Variants in KCNK10 observed in about 807,000 individuals in gnomAD.
KCNK10 encodes potassium two pore domain channel subfamily K member 10, also known as potassium channel subfamily K member 10.
In KCNK10, 25 loss-of-function variants were observed where a neutral mutation model predicts 47.7. The observed-to-expected ratio is 0.52, with a 90% confidence interval of 0.38 to 0.73. The LOEUF (loss-of-function observed/expected upper bound fraction) is 0.73, where lower values mean the gene tolerates loss of function less well. Among genes scored for constraint, KCNK10 ranks in the 30% least tolerant of loss-of-function variants. The pLI, the probability that KCNK10 is intolerant of heterozygous loss-of-function variation, is 0.00. For missense variants in KCNK10, 563 were observed against 714.5 expected, an observed-to-expected ratio of 0.79 and a Z score of 2.42; for synonymous variants, 303 against 285.6, an observed-to-expected ratio of 1.06 and a Z score of -0.61.
At chr14:88,223,704 G>A (rs1001837752) in intron 4 of KCNK10, among the ~76,000 whole-genome samples, 13 of 152,130 alleles carry the variant, frequency 8.5e-5, no homozygotes, top group Non-Finnish European at 1.8e-4. Flanking sequence ...TGTAAAAGGC[G>A]TTTTTGTTTG....
Position 88,322,061 on chromosome 14 carries a change from C to T in KCNK10, c.52+686G>A, listed in dbSNP as rs994065609. 6.6e-6 allele frequency among the ~76,000 whole-genome samples: 1 copy of T among 152,224 alleles called. No homozygotes were observed. The highest frequency in any genetic ancestry group is 1.9e-4 in the East Asian group (1 of 5,196). ...TCCAACATTCGTAAAAGCATGCAAA[C>T]CACACCATTGCTTGGGCGGGCACAC... On this transcript the variant is annotated intron_variant, in intron 1 of 6. Coordinates refer to ENST00000319231, the MANE Select transcript of KCNK10 (RefSeq NM_138317.3). This position sits in a 1 kb window ranked among gnomAD's most constrained non-coding sequence, Gnocchi z 4.8.
intron 3 of KCNK10, among the ~76,000 whole-genome samples, chr14:88,231,111 C>CA (rs200209541): frequency 8.0e-4 from 121 of 150,500 alleles, no homozygotes; most frequent in African/African-American, 2.2e-3. Flanking sequence ...CTTGTCTCTA[C>CA]AAAAAAAAAA....
chr14:88,218,717 C>T (rs1183604909), intron 4 of KCNK10, among the ~76,000 whole-genome samples: 1 of 152,090 alleles, frequency 6.6e-6, no homozygotes, highest in African/African-American at 2.4e-5. Flanking sequence ...CAGAATTTGA[C>T]TGGTTTTCCT....
intron 1 of KCNK10, among the ~76,000 whole-genome samples, chr14:88,291,506 T>C (rs10148345): frequency 2.6e-5 from 4 of 152,028 alleles, no homozygotes; most frequent in Non-Finnish European, 4.4e-5. Flanking sequence ...CTATGGCAAA[T>C]GAAGGAGCAG....
rs976599917 is a variant in KCNK10, at chr14:88,186,339, T to C, written c.1012-184A>G. The stretch of plus-strand genomic sequence containing the variant: ...CTGCCACCTGGACACCCATCCCTAA[T>C]TGGCTAGTAAATAAGGTGGCTCAGG... On this transcript the variant is annotated intron_variant, in intron 6 of 6. Transcript: ENST00000319231. This position sits in a 1 kb window ranked among gnomAD's most constrained non-coding sequence, Gnocchi z 5.5. Among the ~76,000 whole-genome samples, 2 of 152,010 alleles carry C rather than the reference T, an allele frequency of 1.3e-5. No homozygotes were observed. The highest frequency in any genetic ancestry group is 2.4e-5 in the African/African-American group (1 of 41,392).
chr14:88,229,028 T>C (rs1439482580), intron 3 of KCNK10, among the ~76,000 whole-genome samples: 1 of 152,214 alleles, frequency 6.6e-6, no homozygotes, highest in Non-Finnish European at 1.5e-5. Context: ...AGTTTCACTT[T>C]ATGCAGGTTT....
chr14:88,265,023 T>A (rs1425722408), intron 1 of KCNK10, among the ~76,000 whole-genome samples: 4 of 152,192 alleles, frequency 2.6e-5, no homozygotes, highest in Admixed American at 2.6e-4. Flanking sequence ...CAGGCCACTG[T>A]CACATCTTGC....
In KCNK10 at chr14:88,265,934, C is replaced by A. The variant is rs151019263; in HGVS notation, c.53-2383G>T. ...ATGGAACTGTGAGTCCATTAAACTT[C>A]TTTCCTTTATAACTTACCCAGTCTT... On this transcript the variant is annotated intron_variant, in intron 1 of 6. Coordinates refer to ENST00000319231, the MANE Select transcript of KCNK10 (RefSeq NM_138317.3). Among the ~76,000 whole-genome samples, 130 of 152,318 alleles carry A rather than the reference C, an allele frequency of 8.5e-4. 1 individual carries two copies. Among genetic ancestry groups the A allele is most frequent in the African/African-American group, 2.7e-3 (113 of 41,566 alleles).
intron 1 of KCNK10, among the ~76,000 whole-genome samples, chr14:88,288,776 C>G (rs1887820721): frequency 1.3e-5 from 2 of 152,170 alleles, no homozygotes; most frequent in Non-Finnish European, 2.9e-5. Context: ...GTCTCAGGGA[C>G]TGCACGTGTG....
At chr14:88,229,304 C>T (rs7141022) in intron 3 of KCNK10, among the ~76,000 whole-genome samples, 43,734 of 151,764 alleles carry the variant, frequency 0.29, 6,961 homozygotes, top group East Asian at 0.47. Context: ...TGGCTTACCA[C>T]GGAGCATCAG....
intron 4 of KCNK10, among the ~76,000 whole-genome samples, chr14:88,208,246 TAGAA>T (rs1390205878): frequency 2.0e-5 from 3 of 152,192 alleles, no homozygotes; most frequent in Non-Finnish European, 2.9e-5. Flanking sequence ...TTTTTAAAAA[TAGAA>T]AGGAGAAGAG....
At chr14:88,310,271 A>ATC (rs1888300686) in intron 1 of KCNK10, among the ~76,000 whole-genome samples, 1 of 56,550 alleles carries the variant, frequency 1.8e-5, no homozygotes, top group African/African-American at 9.2e-5. Context: ...GGTATATCAT[A>ATC]ATTACTTGAT....
At chr14:88,245,566 T>C (rs1886612702) in intron 2 of KCNK10, among the ~76,000 whole-genome samples, 2 of 152,334 alleles carry the variant, frequency 1.3e-5, no homozygotes, top group Admixed American at 1.3e-4. Flanking sequence ...GCGTTAGTGC[T>C]GCACTGGGAT....
At chr14:88,270,205 G>A (rs1227204557) in intron 1 of KCNK10, among the ~76,000 whole-genome samples, 1 of 152,172 alleles carries the variant, frequency 6.6e-6, no homozygotes, top group Non-Finnish European at 1.5e-5. Context: ...AGCTCAGCCT[G>A]CATAGGCATA....
At chr14:88,272,550 T>C (rs566525781) in intron 1 of KCNK10, among the ~76,000 whole-genome samples, 13 of 152,152 alleles carry the variant, frequency 8.5e-5, no homozygotes, top group African/African-American at 3.1e-4. Flanking sequence ...TTACCTCAGG[T>C]CTGCGTGTCA....
At chr14:88,232,338 A>G (rs1886181006) in intron 3 of KCNK10, among the ~76,000 whole-genome samples, 1 of 152,266 alleles carries the variant, frequency 6.6e-6, no homozygotes, top group Admixed American at 6.5e-5. Flanking sequence ...TTAATGAAAT[A>G]CACAGCTCCT....
chr14:88,267,816 C>T (rs1887302991), intron 1 of KCNK10, among the ~76,000 whole-genome samples: 1 of 152,172 alleles, frequency 6.6e-6, no homozygotes, highest in Non-Finnish European at 1.5e-5. Context: ...AAGAAGCAAA[C>T]TTGGCCAGAT....
chr14:88,310,205 G>C (rs36170234), intron 1 of KCNK10, among the ~76,000 whole-genome samples: 6,164 of 41,394 alleles, frequency 0.15, 1,278 homozygotes, highest in East Asian at 0.3. Context: ...TATGGTATAT[G>C]ATATACCATA....
chr14:88,245,752 G>A (rs184556864), intron 2 of KCNK10, among the ~76,000 whole-genome samples: 65 of 152,314 alleles, frequency 4.3e-4, no homozygotes, highest in South Asian at 1.2e-3. Context: ...CAACAGATTC[G>A]TGCTTTATGC....
Sources: allele counts gnomAD v4.1 joint callset (sites outside exome capture counted in the v4.1 genomes callset), GRCh38; gene constraint gnomAD v4.1.1; non-coding constraint Gnocchi (gnomAD v3.1); transcripts MANE v1.5; gene names NCBI Gene and HGNC (gene_info 2026-07-23, HGNC 2026-07-21).